The following EML5 variants were observed in gnomAD, a reference collection of about 807,000 sequenced individuals.
EML5 encodes EMAP like 5, also known as echinoderm microtubule-associated protein-like 5.
Under a neutral mutation model 250.0 loss-of-function variants are expected in EML5, and 120 were observed. The observed-to-expected ratio is 0.48, with a 90% confidence interval of 0.41 to 0.56. The LOEUF (loss-of-function observed/expected upper bound fraction) is 0.56, where lower values mean the gene tolerates loss of function less well. Among genes scored for constraint, EML5 ranks in the 20% least tolerant of loss-of-function variants. The pLI is 0.00. For synonymous variants in EML5, 771 were observed against 806.5 expected (o/e 0.96, Z 0.75); for missense variants, 2,006 against 2,437.6 (o/e 0.82, Z 3.73).
chr14:88,738,509 A>G (rs1350608329), intron 6 of EML5, among the ~76,000 whole-genome samples: 1 of 152,014 alleles, frequency 6.6e-6, no homozygotes, highest in African/African-American at 2.4e-5. Flanking sequence ...AAGTTTCCCA[A>G]CCCTCAATAT....
At chr14:88,689,710 C>T (rs568622637) in intron 17 of EML5, among the ~76,000 whole-genome samples, 4 of 151,894 alleles carry the variant, frequency 2.6e-5, no homozygotes, top group East Asian at 3.9e-4. Context: ...CTCCAGCCTG[C>T]GTGACAGAGC....
At chr14:88,751,614 AGAGTT>A (rs5810423) in intron 2 of EML5, among the ~76,000 whole-genome samples, 26,451 of 151,862 alleles carry the variant, frequency 0.17, 2,818 homozygotes, top group East Asian at 0.47. Flanking sequence ...TGTGATATTT[AGAGTT>A]GAGAAGCCAG....
chr14:88,642,088 A>G (rs76750904), intron 31 of EML5, among the ~76,000 whole-genome samples: 1,905 of 152,298 alleles, frequency 0.013, 32 homozygotes, highest in African/African-American at 0.044. Flanking sequence ...GATGGTTAAT[A>G]CCGACAAGAG....
At chr14:88,766,086 T>G (rs985834695) in intron 1 of EML5, among the ~76,000 whole-genome samples, 4 of 152,242 alleles carry the variant, frequency 2.6e-5, no homozygotes, top group African/African-American at 9.6e-5. Flanking sequence ...TTCCTATGCC[T>G]GTCTTTACTT....
chr14:88,652,809 A>G (rs2091692536), intron 27 of EML5, among the ~76,000 whole-genome samples: 1 of 152,158 alleles, frequency 6.6e-6, no homozygotes, highest in Admixed American at 6.6e-5. Flanking sequence ...ATTTTGAAAC[A>G]CTAGTTTCAC....
intron 8 of EML5, among the ~76,000 whole-genome samples, chr14:88,724,172 G>C (rs1217179911): frequency 6.6e-6 from 1 of 151,568 alleles, no homozygotes; most frequent in Non-Finnish European, 1.5e-5. Context: ...CTACTCAGGA[G>C]GCTGAGGCAG....
rs530921389 is a variant in EML5 at position 88,620,767 on chromosome 14, T to C, written c.5362A>G (p.Ile1788Val). 1.3e-6 allele frequency: 2 copies of C among 1,594,802 alleles called. No homozygotes were observed. Among genetic ancestry groups the C allele is most frequent in the East Asian group, 2.2e-5 (1 of 44,686 alleles). Residue 1788 changes from isoleucine (I) to valine (V), a missense_variant, in exon 39 of 44, where the codon ATC becomes GTC. Physicochemically the swap from Ile to Val is conservative, Grantham distance 29 (BLOSUM62 3). This residue lies in a region of EML5 where 405 missense variants were observed against 523.3 expected (regional missense o/e 0.77). Coordinates refer to ENST00000554922, the MANE Select transcript of EML5 (RefSeq NM_183387.3). This position sits in a 1 kb window ranked among gnomAD's most constrained non-coding sequence, Gnocchi z 4.3. ...WGKKRDRRCAIHDIRFSPDSR... is the reference protein window; with the variant it reads ...WGKKRDRRCAVHDIRFSPDSR... ...TTGTTCACTAACCTGATATCATGGA[T>C]TGCACATCTCCTGTCTCTCTTCTTT... is the stretch of plus-strand genomic sequence containing the variant.
chr14:88,787,161 T>A (rs1334392791), intron 1 of EML5, among the ~76,000 whole-genome samples: 1 of 152,250 alleles, frequency 6.6e-6, no homozygotes, highest in Non-Finnish European at 1.5e-5. Flanking sequence ...CCCTTCTCCC[T>A]ATTGTCCTCA....
chr14:88,754,486 GA>G (rs757188559), intron 2 of EML5, 25 bp downstream of exon 2: 6 of 1,556,386 alleles, frequency 3.9e-6, no homozygotes, highest in East Asian at 2.3e-5. Flanking sequence ...ATACAATTTA[GA>G]AAAAAATGAA....
At chr14:88,763,726 T>A (rs188446983) in intron 1 of EML5, among the ~76,000 whole-genome samples, 2 of 152,304 alleles carry the variant, frequency 1.3e-5, no homozygotes, top group Non-Finnish European at 2.9e-5. Context: ...CAGGCCAGTA[T>A]CCCTGATGAA....
chr14:88,653,601 T>C (rs1185313133), intron 27 of EML5, among the ~76,000 whole-genome samples: 4 of 152,200 alleles, frequency 2.6e-5, no homozygotes, highest in African/African-American at 9.7e-5. Flanking sequence ...ATTACATTTA[T>C]TGATTTTGGT....
At chr14:88,628,804 G>A (rs541873054) in intron 33 of EML5, among the ~76,000 whole-genome samples, 1 of 151,976 alleles carries the variant, frequency 6.6e-6, no homozygotes, top group African/African-American at 2.4e-5. Context: ...AATTAAATCT[G>A]GCAGTTCTTC....
intron 37 of EML5, 140 bp from the exon 38 acceptor site, chr14:88,621,441 T>C: frequency 1.1e-6 from 1 of 890,520 alleles, no homozygotes; most frequent in Non-Finnish European, 1.7e-6. Flanking sequence ...AGTCATTAGC[T>C]CATGCAAATT....
At chr14:88,790,716 T>G (rs1046815985) in intron 1 of EML5, among the ~76,000 whole-genome samples, 6 of 152,178 alleles carry the variant, frequency 3.9e-5, no homozygotes, top group African/African-American at 1.4e-4. Flanking sequence ...AAAGCTACTA[T>G]GCCTGGTACT....
chr14:88,733,442 T>C (rs1180385167), intron 7 of EML5, among the ~76,000 whole-genome samples: 2 of 152,242 alleles, frequency 1.3e-5, no homozygotes, highest in Admixed American at 1.3e-4. Context: ...TCTTTAGTTG[T>C]TTTCATTGGA....
chr14:88,751,866 T>G (rs1429209289), intron 2 of EML5, among the ~76,000 whole-genome samples: 1 of 152,134 alleles, frequency 6.6e-6, no homozygotes, highest in Non-Finnish European at 1.5e-5. Flanking sequence ...AGACAAAATC[T>G]TATTTGTGTC....
intron 5 of EML5, among the ~76,000 whole-genome samples, chr14:88,739,429 C>A (rs1336531285): frequency 6.6e-6 from 1 of 152,010 alleles, no homozygotes; most frequent in Non-Finnish European, 1.5e-5. Context: ...CCCAAAATAT[C>A]AAGGCATGAC....
At chr14:88,648,837 G>A (rs1317329449) in intron 28 of EML5, among the ~76,000 whole-genome samples, 1 of 151,996 alleles carries the variant, frequency 6.6e-6, no homozygotes, top group African/African-American at 2.4e-5. Flanking sequence ...AAGATTTTAT[G>A]GCCCATTTTA....
intron 17 of EML5, among the ~76,000 whole-genome samples, chr14:88,690,157 AAAG>A (rs1337090385): frequency 6.6e-6 from 1 of 152,220 alleles, no homozygotes; most frequent in Non-Finnish European, 1.5e-5. Context: ...ATGGAGCAGC[AAAG>A]AAGGGGAGAC....
Sources: allele counts gnomAD v4.1 joint callset (sites outside exome capture counted in the v4.1 genomes callset), GRCh38; gene constraint gnomAD v4.1.1; regional missense constraint gnomAD v4.1.1; non-coding constraint Gnocchi (gnomAD v3.1); transcripts MANE v1.5; gene names NCBI Gene and HGNC (gene_info 2026-07-23, HGNC 2026-07-21).